The following UNC93A variants were observed in gnomAD, a reference collection of about 807,000 sequenced individuals.
UNC93A encodes N-acetylglucosamine transporter UNC93A.
Under a neutral mutation model 47.5 loss-of-function variants are expected in UNC93A, and 43 were observed. The observed-to-expected ratio is 0.91, with a 90% CI of 0.71 to 1.17. UNC93A has a LOEUF of 1.17. UNC93A is among the 50% of genes most tolerant of loss of function. The pLI is 0.00. For synonymous variants in UNC93A, 280 were observed against 258.0 expected, an observed-to-expected ratio of 1.09 and a Z score of -0.82; for missense variants, 605 against 577.6, an observed-to-expected ratio of 1.05 and a Z score of -0.49.
At chr6:167,291,680 G>A in intron 1 of UNC93A, 104 bp downstream of exon 1, 1 of 1,105,486 alleles carries the variant, frequency 9.0e-7, no homozygotes, top group Non-Finnish European at 1.3e-6. Context: ...TAATTCACCT[G>A]GTGTTTCTTT....
intron 1 of UNC93A, among the ~76,000 whole-genome samples, chr6:167,277,781 T>C (rs1783568669): frequency 6.6e-6 from 1 of 151,888 alleles, no homozygotes; most frequent in Non-Finnish European, 1.5e-5. Context: ...CTTTGTATCT[T>C]TCTGTCTCTC....
intron 1 of UNC93A, among the ~76,000 whole-genome samples, chr6:167,276,092 A>T (rs1287476766): frequency 2.1e-5 from 3 of 143,950 alleles, no homozygotes; most frequent in African/African-American, 7.7e-5. Flanking sequence ...CACACATATG[A>T]GTGAGAACGT....
At chr6:167,276,402 T>C (rs1364061463) in intron 1 of UNC93A, among the ~76,000 whole-genome samples, 1 of 152,184 alleles carries the variant, frequency 6.6e-6, no homozygotes, top group Admixed American at 6.5e-5. Flanking sequence ...TGATTCTATT[T>C]GTGGTTTTTT....
Position 167,312,367 on chromosome 6 carries a change from G to A in UNC93A, c.1109-2820G>A, listed in dbSNP as rs535962445. Reference sequence around the variant, plus strand: ...CACACGCGGTTCTGCGGGAGCGAGTGCCCAGGGAGCCAGCAGTCAAGAAGA... The same window carrying A: ...CACACGCGGTTCTGCGGGAGCGAGTACCCAGGGAGCCAGCAGTCAAGAAGA... On this transcript the variant is annotated intron_variant, in intron 7 of 7. Coordinates refer to ENST00000230256, the MANE Select transcript of UNC93A (RefSeq NM_018974.4). Among the ~76,000 whole-genome samples the A allele has an allele frequency of 3.5e-4, 53 of 152,126 alleles. No homozygotes were observed. The South Asian group carries it at 5.0e-3, about 14-fold the overall frequency.
chr6:167,289,214 G>A (rs920393519), upstream of UNC93A, among the ~76,000 whole-genome samples: 4 of 152,252 alleles, frequency 2.6e-5, no homozygotes, highest in Admixed American at 1.3e-4. Context: ...TGTAGGCTGC[G>A]GGAAGGCAGC....
At chr6:167,297,563 G>T (rs571407506) in intron 3 of UNC93A, among the ~76,000 whole-genome samples, 1 of 152,276 alleles carries the variant, frequency 6.6e-6, no homozygotes, top group South Asian at 2.1e-4. Flanking sequence ...AGATGAATCT[G>T]AAAGAGAATC....
At chr6:167,278,532 G>C (rs1338694743) in intron 1 of UNC93A, among the ~76,000 whole-genome samples, 1 of 152,222 alleles carries the variant, frequency 6.6e-6, no homozygotes, top group Non-Finnish European at 1.5e-5. Context: ...CAGTCTCAAA[G>C]AAGAAAATGA....
At chr6:167,309,519 A>G (rs1778497714) in intron 7 of UNC93A, among the ~76,000 whole-genome samples, 2 of 152,164 alleles carry the variant, frequency 1.3e-5, no homozygotes, top group Admixed American at 6.5e-5. Context: ...CATGGCTCAC[A>G]TGAGACCCTC....
chr6:167,282,024 T>C (rs773979878), intron 1 of UNC93A, among the ~76,000 whole-genome samples: 6 of 152,228 alleles, frequency 3.9e-5, no homozygotes, highest in Non-Finnish European at 8.8e-5. Flanking sequence ...TGGAAATACA[T>C]GTGTGTTGTG....
At chr6:167,280,021 G>A (rs1224572276) in intron 1 of UNC93A, among the ~76,000 whole-genome samples, 1 of 152,198 alleles carries the variant, frequency 6.6e-6, no homozygotes. Flanking sequence ...AAGTCCATGA[G>A]CACAAGAAGA....
chr6:167,313,969 G>T (rs1304467396), intron 7 of UNC93A, among the ~76,000 whole-genome samples: 1 of 152,162 alleles, frequency 6.6e-6, no homozygotes, highest in Non-Finnish European at 1.5e-5. Context: ...TTGTCCTGAG[G>T]CTTCCAAAGA....
chr6:167,312,540 C>T (rs1778588284), intron 7 of UNC93A, among the ~76,000 whole-genome samples: 1 of 152,208 alleles, frequency 6.6e-6, no homozygotes, highest in Non-Finnish European at 1.5e-5. Flanking sequence ...CACTTTGGGT[C>T]ACCATCCAAC....
intron 1 of UNC93A, among the ~76,000 whole-genome samples, chr6:167,280,606 C>T (rs1783616081): frequency 6.6e-6 from 1 of 152,128 alleles, no homozygotes. Context: ...GCCCCGAGGC[C>T]GCTCAGTCTA....
chr6:167,276,264 C>T (rs1261861051), intron 1 of UNC93A, among the ~76,000 whole-genome samples: 1 of 151,950 alleles, frequency 6.6e-6, no homozygotes, highest in Non-Finnish European at 1.5e-5. Flanking sequence ...GTGGTGGACA[C>T]CTCTGTTGGT....
At chr6:167,284,805 A>G (rs1783694423) in intron 1 of UNC93A, among the ~76,000 whole-genome samples, 1 of 151,212 alleles carries the variant, frequency 6.6e-6, no homozygotes, top group Non-Finnish European at 1.5e-5. Flanking sequence ...GGCGGTCGCC[A>G]CAGGTGGGTG....
intron 1 of UNC93A, among the ~76,000 whole-genome samples, chr6:167,277,332 T>C (rs1164711838): frequency 6.6e-6 from 1 of 152,196 alleles, no homozygotes; most frequent in Non-Finnish European, 1.5e-5. Context: ...GACCTACCCT[T>C]AGCCGGTGGA....
rs1245122730 is a variant in UNC93A at position 167,315,420 on chromosome 6, G to T, written c.1342G>T (p.Ala448Ser). ...RPHAPGQVNQ[A>S]EDEEIQTKM Reference sequence around the variant, plus strand: ...CCACGCTCCAGGACAGGTCAACCAGGCAGAGGATGAAGAAATACAAACAAA... The same window carrying T: ...CCACGCTCCAGGACAGGTCAACCAGTCAGAGGATGAAGAAATACAAACAAA... Residue 448 changes from alanine (A) to serine (S), a missense_variant, in exon 8 of 8, where the codon GCA (alanine) becomes TCA (serine). Coordinates refer to ENST00000230256, the MANE Select transcript of UNC93A (RefSeq NM_018974.4). 1 of 1,613,984 alleles carries T rather than the reference G, an allele frequency of 6.2e-7. No homozygotes were observed. The highest frequency in any genetic ancestry group is 1.7e-5 in the Admixed American group (1 of 60,016).
chr6:167,276,264 C>A (rs1261861051), intron 1 of UNC93A, among the ~76,000 whole-genome samples: 1 of 151,950 alleles, frequency 6.6e-6, no homozygotes, highest in Non-Finnish European at 1.5e-5. Context: ...GTGGTGGACA[C>A]CTCTGTTGGT....
chr6:167,284,817 G>A (rs1035811129), intron 1 of UNC93A, among the ~76,000 whole-genome samples: 5 of 150,382 alleles, frequency 3.3e-5, no homozygotes, highest in East Asian at 1.9e-4. Context: ...AGGTGGGTGC[G>A]TTGCCAAATC....
Sources: allele counts gnomAD v4.1 joint callset (sites outside exome capture counted in the v4.1 genomes callset), GRCh38; gene constraint gnomAD v4.1.1; transcripts MANE v1.5; gene names NCBI Gene and HGNC (gene_info 2026-07-23, HGNC 2026-07-21).